Variants in AFG2A observed in about 807,000 individuals in gnomAD.
AFG2A encodes the protein AAA ATPase AFG2A.
the AFG2A span, among the ~76,000 whole-genome samples, chr4:123,181,769 AATTG>A: frequency 9.9e-5 from 15 of 152,136 alleles, no homozygotes; most frequent in African/African-American, 3.6e-4. Context: ...TAGTTTGTAT[AATTG>A]GTTTTATCTT....
chr4:123,144,465 C>T, the AFG2A span, among the ~76,000 whole-genome samples: 1 of 151,956 alleles, frequency 6.6e-6, no homozygotes, highest in African/African-American at 2.4e-5. Context: ...GTTTGATCTG[C>T]TATGCACTGA....
At chr4:123,278,993 C>A in the AFG2A span, among the ~76,000 whole-genome samples, 2 of 152,132 alleles carry the variant, frequency 1.3e-5, no homozygotes, top group Non-Finnish European at 2.9e-5. Context: ...ATATTTCTAA[C>A]GTAAATGGCA....
chr4:123,069,288 G>A, the AFG2A span, among the ~76,000 whole-genome samples: 1 of 152,264 alleles, frequency 6.6e-6, no homozygotes, highest in Admixed American at 6.5e-5. Flanking sequence ...AGGCCATTCA[G>A]TCACACTTAT....
the AFG2A span, among the ~76,000 whole-genome samples, chr4:123,082,449 G>C: frequency 6.6e-6 from 1 of 151,712 alleles, no homozygotes; most frequent in Non-Finnish European, 1.5e-5. Context: ...TATTTATGTG[G>C]GTCTATTTCT....
the AFG2A span, among the ~76,000 whole-genome samples, chr4:123,193,028 T>G: frequency 6.6e-6 from 1 of 152,238 alleles, no homozygotes; most frequent in African/African-American, 2.4e-5. Context: ...GCTTGCTCGA[T>G]CATCAAGTGG....
chr4:123,232,009 T>G, the AFG2A span, among the ~76,000 whole-genome samples: 1 of 151,952 alleles, frequency 6.6e-6, no homozygotes, highest in African/African-American at 2.4e-5. Flanking sequence ...AATGAAAAGT[T>G]TAAAATGTTG....
the AFG2A span, among the ~76,000 whole-genome samples, chr4:123,001,575 C>A: frequency 6.6e-6 from 1 of 151,598 alleles, no homozygotes; most frequent in African/African-American, 2.4e-5. Context: ...AGTAGTCATT[C>A]AGGAGCAGGT....
the AFG2A span, among the ~76,000 whole-genome samples, chr4:123,138,675 G>T: frequency 1.3e-5 from 2 of 151,526 alleles, no homozygotes; most frequent in Non-Finnish European, 2.9e-5. Flanking sequence ...TCATAACAGC[G>T]TACACTTAAC....
the AFG2A span, among the ~76,000 whole-genome samples, chr4:123,248,082 A>AC: frequency 0.023 from 3,554 of 152,200 alleles, 71 homozygotes; most frequent in African/African-American, 0.056. Context: ...ACAAAAAAAA[A>AC]ATTGTCTAGT....
the AFG2A span, among the ~76,000 whole-genome samples, chr4:123,267,306 G>A: frequency 1.3e-5 from 2 of 151,840 alleles, no homozygotes; most frequent in African/African-American, 4.8e-5. Flanking sequence ...TTTTATTTGT[G>A]TTTCAAATTT....
At chr4:123,227,667 C>G in the AFG2A span, among the ~76,000 whole-genome samples, 1 of 152,218 alleles carries the variant, frequency 6.6e-6, no homozygotes, top group South Asian at 2.1e-4. Flanking sequence ...TGGTGTGGTG[C>G]TGAAAAGAAT....
At chr4:122,938,734 G>A in the AFG2A span, among the ~76,000 whole-genome samples, 45 of 152,150 alleles carry the variant, frequency 3.0e-4, no homozygotes, top group African/African-American at 8.9e-4. Flanking sequence ...GGGACTACAG[G>A]CATGCACCAT....
chr4:123,166,753 A>C, the AFG2A span, among the ~76,000 whole-genome samples: 1 of 152,150 alleles, frequency 6.6e-6, no homozygotes, highest in Non-Finnish European at 1.5e-5. Flanking sequence ...AAGTCTATAA[A>C]TCTATCAACT....
At chr4:123,247,529 C>T in the AFG2A span, among the ~76,000 whole-genome samples, 1 of 152,072 alleles carries the variant, frequency 6.6e-6, no homozygotes, top group African/African-American at 2.4e-5. Flanking sequence ...AAGTGATCCT[C>T]CCACCTCAGC....
At chr4:123,300,820 T>G in the AFG2A span, among the ~76,000 whole-genome samples, 4 of 151,822 alleles carry the variant, frequency 2.6e-5, no homozygotes, top group Non-Finnish European at 4.4e-5. Context: ...TCGATAAAGA[T>G]CTAAACAAGC....
the AFG2A span, among the ~76,000 whole-genome samples, chr4:123,280,041 G>C: frequency 0.7 from 105,784 of 151,944 alleles, 38,780 homozygotes; most frequent in Non-Finnish European, 0.81. Flanking sequence ...CATGTGCAAT[G>C]CTAAGTAATA....
At chr4:123,212,819 A>C in the AFG2A span, among the ~76,000 whole-genome samples, 127 of 152,254 alleles carry the variant, frequency 8.3e-4, no homozygotes, top group Admixed American at 1.6e-3. Context: ...ACTGTGCTTA[A>C]CCTCAGTCAA....
the AFG2A span, among the ~76,000 whole-genome samples, chr4:122,963,897 G>A: frequency 6.6e-6 from 1 of 152,068 alleles, no homozygotes; most frequent in Non-Finnish European, 1.5e-5. Context: ...ATCCCTCCCT[G>A]TCTCCAGTAA....
At chr4:123,177,754 C>G in the AFG2A span, among the ~76,000 whole-genome samples, 1 of 152,118 alleles carries the variant, frequency 6.6e-6, no homozygotes, top group Non-Finnish European at 1.5e-5. Context: ...GTCTCTGTCT[C>G]CCGGGGTCCT....
Sources: allele counts gnomAD v4.1 joint callset (sites outside exome capture counted in the v4.1 genomes callset), GRCh38; gene constraint gnomAD v4.1.1; transcripts MANE v1.5; gene names NCBI Gene and HGNC (gene_info 2026-07-23, HGNC 2026-07-21).